The following HMGXB3 variants were observed in gnomAD, a reference collection of about 807,000 sequenced individuals.
HMGXB3 encodes HMG domain-containing protein 3.
Under a neutral mutation model 121.5 loss-of-function variants are expected in HMGXB3, and 45 were observed. That is an observed-to-expected ratio of 0.37 (90% CI 0.29 to 0.47). HMGXB3 has a LOEUF of 0.47. Among genes scored for constraint, HMGXB3 ranks in the 20% least tolerant of loss-of-function variants. The pLI is 0.99. For synonymous variants in HMGXB3, 590 were observed against 624.1 expected, an observed-to-expected ratio of 0.95 and a Z score of 0.81; for missense variants, 1,376 against 1,602.2, an observed-to-expected ratio of 0.86 and a Z score of 2.41.
Position 150,027,136 on chromosome 5 carries a change from A to T in HMGXB3, c.1734+19A>T, listed in dbSNP as rs1471686832. The T allele has an allele frequency of 1.3e-6, 2 of 1,544,944 alleles. No homozygotes were observed. The highest frequency in any genetic ancestry group is 2.4e-5 in the South Asian group (2 of 83,684). On this transcript the variant is annotated intron_variant, in intron 9 of 19. Transcript: ENST00000502717. ...GGTGAAGGTAAGGCCCATTTTCCAG[A>T]GTGGGAGCTGTTTGAGGGTCTGGCT...
intron 15 of HMGXB3, among the ~76,000 whole-genome samples, chr5:150,043,985 C>G (rs1756697373): frequency 6.6e-6 from 1 of 152,204 alleles, no homozygotes; most frequent in Non-Finnish European, 1.5e-5. Flanking sequence ...AGAGGCCCAC[C>G]TCCCTGCAAA....
chr5:150,021,544 A>G, intron 6 of HMGXB3: 3 of 357,286 alleles, frequency 8.4e-6, no homozygotes, highest in Non-Finnish European at 1.6e-5. Flanking sequence ...ACAACTGGTA[A>G]TCAATGTATT....
Position 150,036,798 on chromosome 5 carries a change from C to T in HMGXB3, c.2146C>T (p.Leu716Phe). Residue 716 changes from leucine (L) to phenylalanine (F), a missense_variant, in exon 12 of 20, where the codon CTC becomes TTC. By Grantham distance (22) the Leu-to-Phe change is conservative. This residue lies in a region of HMGXB3 where 1,116 missense variants were observed against 1,369.0 expected (regional missense o/e 0.82). Coordinates refer to ENST00000502717, the MANE Select transcript of HMGXB3 (RefSeq NM_014983.3). ...TGAGGTCTTCGCCTTGATTCATGAACTCAACAGCTCTCGACTTATCTTGTC... is the reference window on the plus strand; with the variant it reads ...TGAGGTCTTCGCCTTGATTCATGAATTCAACAGCTCTCGACTTATCTTGTC... ...LAEVFALIHE[L>F]NSSRLILSNV... 6.4e-7 allele frequency: 1 copy of T among 1,551,746 alleles called. No homozygotes were observed. The highest frequency in any genetic ancestry group is 1.2e-5 in the South Asian group (1 of 84,064).
At chr5:150,035,675 A>C (rs1426929171) in intron 11 of HMGXB3, among the ~76,000 whole-genome samples, 1 of 152,192 alleles carries the variant, frequency 6.6e-6, no homozygotes, top group Non-Finnish European at 1.5e-5. Flanking sequence ...TGAATTCTGC[A>C]GTCAAGGGGT....
rs7736929 is a variant in HMGXB3, at chr5:150,052,176, C to T, written c.3863C>T (p.Ala1288Val). 5.8e-6 allele frequency: 9 copies of T among 1,544,952 alleles called. No individual in the cohort carries two copies. Among genetic ancestry groups the T allele is most frequent in the African/African-American group, 1.4e-5 (1 of 72,944 alleles). Residue 1288 changes from alanine to valine, a missense_variant, in exon 20 of 20, where the codon GCC (alanine) becomes GTC (valine). Physicochemically the swap from Ala to Val is moderately conservative, Grantham distance 64 (BLOSUM62 0). Transcript: ENST00000502717. ...GAGGAGGGTGAGGAAGAGGAGGTGG[C>T]CGCAGTGGCAGAATAAGCCAGGCTG... ...TEEEGEEEEV[A>V]AVAE
intron 1 of HMGXB3, among the ~76,000 whole-genome samples, chr5:150,002,130 A>G (rs764366769): frequency 2.0e-5 from 3 of 152,200 alleles, no homozygotes; most frequent in Non-Finnish European, 4.4e-5. Flanking sequence ...TCATTTAGAG[A>G]TGACAGAGAA....
intron 19 of HMGXB3, 76 bp from the exon 20 acceptor site, chr5:150,051,649 A>G (rs1756901173): frequency 1.7e-6 from 2 of 1,184,730 alleles, no homozygotes; most frequent in Non-Finnish European, 2.3e-6. Flanking sequence ...GGCTGAGCCT[A>G]GAGTGTTCTC....
chr5:150,027,810 C>T (rs1756269548), intron 9 of HMGXB3, among the ~76,000 whole-genome samples: 1 of 152,166 alleles, frequency 6.6e-6, no homozygotes, highest in Non-Finnish European at 1.5e-5. Context: ...ACCTCGGCCT[C>T]CCAAAGTGCT....
chr5:150,010,106 C>A lies in HMGXB3; in HGVS notation c.313-5C>A, dbSNP rs1305127257. 1.3e-6 allele frequency: 2 copies of A among 1,548,050 alleles called. No individual in the cohort carries two copies. Among genetic ancestry groups the A allele is most frequent in the Non-Finnish European group, 1.7e-6 (2 of 1,144,624 alleles). On this transcript the variant is annotated splice_region_variant and splice_polypyrimidine_tract_variant and intron_variant, in intron 3 of 19. Transcript: ENST00000502717. The stretch of plus-strand genomic sequence containing the variant: ...TCTCCCCCTTCCTGGCTTCCTCATC[C>A]TCAGAACTCTAAGCTCTCTGCACTG...
At chr5:150,002,134 CAG>C in intron 1 of HMGXB3, among the ~76,000 whole-genome samples, 1 of 152,248 alleles carries the variant, frequency 6.6e-6, no homozygotes. Context: ...TTAGAGATGA[CAG>C]AGAACTAGGA....
chr5:150,004,813 G>GT, intron 1 of HMGXB3, 38 bp from the exon 2 acceptor site: 1 of 1,444,992 alleles, frequency 6.9e-7, no homozygotes, highest in Non-Finnish European at 9.4e-7. Context: ...TCTTAGGGGA[G>GT]ATTCTGGAAA....
chr5:150,004,521 G>A (rs1203386650), intron 1 of HMGXB3, among the ~76,000 whole-genome samples: 1 of 152,162 alleles, frequency 6.6e-6, no homozygotes, highest in African/African-American at 2.4e-5. Flanking sequence ...GTGTTAAAGG[G>A]GTGGGTGGGT....
rs1180130907 is a variant in HMGXB3, at chr5:150,024,270, A to G, written c.1050A>G (p.Pro350=). 2 of 1,527,834 alleles carry G rather than the reference A, an allele frequency of 1.3e-6. No homozygotes were observed. Among genetic ancestry groups the G allele is most frequent in the Admixed American group, 4.5e-5 (2 of 44,894 alleles). 94.6% of individuals were successfully genotyped at this position (1,527,834 alleles called of 1,614,324 possible). The change falls in exon 7 of 20, where the codon CCA becomes CCG. Residue 350 remains proline (P), a synonymous_variant. Transcript: ENST00000502717. ...LGGKWIPKEK[P]AKVKVELASG... ...TATTCTTATTTTTCTAGGAAAAGCCAGCCAAAGTAAAAGTGGAATTGGCTT... is the reference window on the plus strand; with the variant it reads ...TATTCTTATTTTTCTAGGAAAAGCCGGCCAAAGTAAAAGTGGAATTGGCTT...
intron 9 of HMGXB3, among the ~76,000 whole-genome samples, chr5:150,028,554 TA>T: frequency 1.7e-5 from 1 of 58,254 alleles, no homozygotes; most frequent in South Asian, 4.3e-4. Context: ...TATATATATA[TA>T]TATATTTTTT....
rs372418798 is a variant in HMGXB3, at chr5:150,034,453, C to T, written c.1983+1850C>T. Among the ~76,000 whole-genome samples the T allele has an allele frequency of 6.7e-4, 102 of 151,990 alleles. 1 individual carries two copies. In the South Asian group the frequency reaches 0.02, roughly 30 times the overall value. On this transcript the variant is annotated intron_variant, in intron 11 of 19. Coordinates refer to ENST00000502717, the MANE Select transcript of HMGXB3 (RefSeq NM_014983.3). ...CCTTCCAGTTCATTTTAGCTATTTG[C>T]GCGGTTTGCAGTGGAAGTGGGTGTT... is the stretch of plus-strand genomic sequence containing the variant.
chr5:150,024,177 A>G (rs1756166368), intron 6 of HMGXB3, 85 bp from the exon 7 acceptor site: 21 of 1,089,478 alleles, frequency 1.9e-5, no homozygotes, highest in Non-Finnish European at 2.7e-5. Context: ...TTTATTGCCC[A>G]TATGTTATTA....
At chr5:150,021,987 G>A (rs1756106173) in intron 6 of HMGXB3, 1 of 384,818 alleles carries the variant, frequency 2.6e-6, no homozygotes, top group Non-Finnish European at 5.1e-6. Flanking sequence ...GTCAGGAGCA[G>A]GAGCGGGCAG....
At chr5:150,050,197 T>C in intron 18 of HMGXB3, 55 bp from the exon 19 acceptor site, 1 of 1,427,020 alleles carries the variant, frequency 7.0e-7, no homozygotes, top group Non-Finnish European at 9.7e-7. Context: ...AACTGTACAC[T>C]CTCTGCAGAC....
intron 19 of HMGXB3, among the ~76,000 whole-genome samples, chr5:150,051,329 A>G (rs1756884643): frequency 6.6e-6 from 1 of 152,222 alleles, no homozygotes; most frequent in Non-Finnish European, 1.5e-5. Context: ...CATTATAGGA[A>G]GTGAAGGCCT....
Sources: gnomAD v4.1 joint callset for allele counts (sites outside exome capture counted in the v4.1 genomes callset) on GRCh38, gnomAD v4.1.1 for gene constraint, gnomAD v4.1.1 regional missense constraint, MANE v1.5 for transcripts, NCBI Gene and HGNC (gene_info 2026-07-23, HGNC 2026-07-21) for gene names.